Variants in TTC27 observed in about 807,000 individuals in gnomAD.
TTC27 encodes the protein tetratricopeptide repeat domain 27.
In TTC27, 79 loss-of-function variants were observed where a neutral mutation model predicts 115.9. The ratio of observed to expected loss-of-function variants is 0.68; its 90% CI spans 0.57 to 0.82. The LOEUF is 0.82. Ranked by LOEUF, TTC27 falls within the 40% of genes least tolerant of loss-of-function variation. TTC27 has a pLI of 0.00. For synonymous variants in TTC27, 401 were observed against 356.0 expected, an observed-to-expected ratio of 1.13 and a Z score of -1.42; for missense variants, 1,054 against 993.1, an observed-to-expected ratio of 1.06 and a Z score of -0.82.
chr2:32,770,655 G>A (rs969539968), intron 13 of TTC27, among the ~76,000 whole-genome samples: 5 of 152,198 alleles, frequency 3.3e-5, no homozygotes, highest in Non-Finnish European at 7.3e-5. Flanking sequence ...TAACTGAGCC[G>A]ACCTTTCCAA....
At position 32,635,608 on chromosome 2, in the gene TTC27, C is replaced by T. The variant is rs180980226; in HGVS notation, c.396+1603C>T. Among the ~76,000 whole-genome samples, 289 of 152,080 alleles carry T rather than the reference C, an allele frequency of 1.9e-3. 1 individual carries two copies. Among genetic ancestry groups the T allele is most frequent in the African/African-American group, 6.4e-3 (267 of 41,500 alleles). The stretch of plus-strand genomic sequence containing the variant: ...CTGAGGCAGGACAATTGCTTGAACC[C>T]GGGAGGCGGAGGTTGCAGTGAGCCA... On this transcript the variant is annotated intron_variant, in intron 3 of 19. Coordinates refer to ENST00000317907, the MANE Select transcript of TTC27 (RefSeq NM_017735.5).
At chr2:32,628,766 TTTATTTATTTA>T (rs756850423) in intron 1 of TTC27, among the ~76,000 whole-genome samples, 2,397 of 151,338 alleles carry the variant, frequency 0.016, 45 homozygotes, top group African/African-American at 0.056. Context: ...TATTTATTTA[TTTATTTATTTA>T]TTGAGACGGA....
chr2:32,681,980 A>ATGTGTGTGTGTG (rs70938359), intron 9 of TTC27, among the ~76,000 whole-genome samples: 2 of 89,988 alleles, frequency 2.2e-5, no homozygotes, highest in South Asian at 4.3e-4. Context: ...ATGTATATAT[A>ATGTGTGTGTGTG]TGTGTGTGTG....
intron 9 of TTC27, among the ~76,000 whole-genome samples, chr2:32,692,050 T>G (rs1359618538): frequency 8.1e-6 from 1 of 124,164 alleles, no homozygotes; most frequent in Admixed American, 8.4e-5. Flanking sequence ...TTTTTTTTTT[T>G]TTTTTTTTTT....
At chr2:32,632,112 C>G (rs555838889) in intron 2 of TTC27, among the ~76,000 whole-genome samples, 1 of 151,368 alleles carries the variant, frequency 6.6e-6, no homozygotes, top group Non-Finnish European at 1.5e-5. Flanking sequence ...CGCCCAGCCT[C>G]CATTTAATTT....
chr2:32,794,661 G>C (rs1217897028), intron 16 of TTC27, among the ~76,000 whole-genome samples: 1 of 151,850 alleles, frequency 6.6e-6, no homozygotes, highest in Non-Finnish European at 1.5e-5. Flanking sequence ...TTAGGTCTTT[G>C]AAAAGATTAA....
chr2:32,814,611 G>A (rs1002011376), intron 18 of TTC27, among the ~76,000 whole-genome samples: 27 of 152,208 alleles, frequency 1.8e-4, no homozygotes, highest in Non-Finnish European at 4.4e-5. Context: ...TTGGTCACCA[G>A]TGGACCCACA....
At chr2:32,701,018 T>C (rs1268823796) in intron 9 of TTC27, among the ~76,000 whole-genome samples, 1 of 152,220 alleles carries the variant, frequency 6.6e-6, no homozygotes, top group Non-Finnish European at 1.5e-5. Context: ...GAGATAAGGT[T>C]ATGCATTAAA....
At chr2:32,692,036 G>GTTTTTTTTTTTTTTTTTTTGTT in intron 9 of TTC27, among the ~76,000 whole-genome samples, 1 of 61,188 alleles carries the variant, frequency 1.6e-5, no homozygotes, top group Non-Finnish European at 2.9e-5. Context: ...AATTTTTTAG[G>GTTTTTTTTTTTTTTTTTTTGTT]TTTTTTTTTT....
Position 32,672,301 on chromosome 2 carries a change from G to T in TTC27, c.969G>T (p.Leu323=), listed in dbSNP as rs199762221. The T allele has an allele frequency of 2.4e-4, 385 of 1,613,736 alleles. 1 individual carries two copies. Among genetic ancestry groups the T allele is most frequent in the Middle Eastern group, 2.0e-3 (12 of 6,060 alleles). Residue 323 remains leucine, a synonymous_variant, in exon 8 of 20, where the codon CTG becomes CTT. Coordinates refer to ENST00000317907, the MANE Select transcript of TTC27 (RefSeq NM_017735.5). ...TTGAGCTCAATGATGACACCATTCT[G>T]AATGACATAAAGTTAGCAGATTGTG... The part of the protein sequence containing the change: ...KNLELNDDTI[L]NDIKLADCEQ...
chr2:32,673,856 G>T (rs942708402), intron 8 of TTC27, among the ~76,000 whole-genome samples: 1 of 152,000 alleles, frequency 6.6e-6, no homozygotes, highest in Non-Finnish European at 1.5e-5. Flanking sequence ...TTAGCTGGGT[G>T]TGGTGGCAGG....
At chr2:32,632,162 C>CTTTTTTTTTTTTTTTT (rs372312922) in intron 2 of TTC27, among the ~76,000 whole-genome samples, 1 of 126,094 alleles carries the variant, frequency 7.9e-6, no homozygotes, top group African/African-American at 2.9e-5. Flanking sequence ...TGGTATCATT[C>CTTTTTTTTTTTTTTTT]TTTTTTTTTT....
At chr2:32,642,608 C>G (rs1346103109) in intron 4 of TTC27, among the ~76,000 whole-genome samples, 2 of 151,882 alleles carry the variant, frequency 1.3e-5, no homozygotes, top group Non-Finnish European at 2.9e-5. Context: ...ATTTGCAACT[C>G]TCATGAGAGC....
intron 13 of TTC27, among the ~76,000 whole-genome samples, chr2:32,761,369 G>T (rs537045075): frequency 2.0e-5 from 3 of 152,224 alleles, no homozygotes; most frequent in Non-Finnish European, 4.4e-5. Context: ...GATTAATTAT[G>T]TTACCTCCTT....
chr2:32,738,739 T>C (rs1668529714), intron 12 of TTC27, among the ~76,000 whole-genome samples: 1 of 152,228 alleles, frequency 6.6e-6, no homozygotes, highest in South Asian at 2.1e-4. Context: ...AATTTAGTAT[T>C]ACTGAAATAA....
chr2:32,816,501 G>A (rs919143439), intron 18 of TTC27, among the ~76,000 whole-genome samples: 1 of 152,150 alleles, frequency 6.6e-6, no homozygotes, highest in African/African-American at 2.4e-5. Flanking sequence ...TGGGCATTAT[G>A]TTTGTACAAA....
chr2:32,692,608 C>T (rs987509519), intron 9 of TTC27, among the ~76,000 whole-genome samples: 79 of 152,044 alleles, frequency 5.2e-4, no homozygotes, highest in African/African-American at 1.8e-3. Flanking sequence ...AAGAGAAAAG[C>T]ATTTGTAATA....
chr2:32,759,484 A>C (rs548047601), intron 13 of TTC27, among the ~76,000 whole-genome samples: 1 of 152,320 alleles, frequency 6.6e-6, no homozygotes, highest in East Asian at 1.9e-4. Flanking sequence ...AGTGCCAGGC[A>C]TGGTGGCTTA....
intron 12 of TTC27, among the ~76,000 whole-genome samples, chr2:32,737,546 A>G (rs1558317795): frequency 6.6e-6 from 1 of 152,192 alleles, no homozygotes; most frequent in Non-Finnish European, 1.5e-5. Flanking sequence ...AAAAAAGAGC[A>G]ATAGTGGTTC....
Sources: allele counts gnomAD v4.1 joint callset (sites outside exome capture counted in the v4.1 genomes callset), GRCh38; gene constraint gnomAD v4.1.1; transcripts MANE v1.5; gene names NCBI Gene and HGNC (gene_info 2026-07-23, HGNC 2026-07-21).